Variants in SPTLC1 observed in about 807,000 individuals in gnomAD.
SPTLC1 encodes the protein serine palmitoyltransferase long chain base subunit 1.
In SPTLC1, 55 loss-of-function variants were observed where a neutral mutation model predicts 68.9. The ratio of observed to expected loss-of-function variants is 0.80; its 90% CI spans 0.64 to 1.00. The LOEUF is 1.00. Among genes scored for constraint, SPTLC1 ranks in the 50% least tolerant of loss-of-function variants. SPTLC1 has a pLI of 0.00. For missense variants in SPTLC1, 449 were observed against 573.1 expected, an observed-to-expected ratio of 0.78 and a Z score of 2.21; for synonymous variants, 197 against 201.6, an observed-to-expected ratio of 0.98 and a Z score of 0.19.
chr9:92,044,022 G>A (rs1040939773), intron 12 of SPTLC1, among the ~76,000 whole-genome samples: 2 of 152,120 alleles, frequency 1.3e-5, no homozygotes, highest in Non-Finnish European at 2.9e-5. Context: ...ATACCAGCAC[G>A]GTTTGCCCCT....
chr9:92,076,528 A>G (rs1834687633), intron 5 of SPTLC1, among the ~76,000 whole-genome samples: 1 of 152,136 alleles, frequency 6.6e-6, no homozygotes, highest in East Asian at 1.9e-4. Flanking sequence ...CTGCCTCTCA[A>G]GCTTACTCTA....
At chr9:92,112,028 A>C (rs6479405) in intron 2 of SPTLC1, 99,661 of 164,790 alleles carry the variant, frequency 0.6, 32,807 homozygotes, top group African/African-American at 0.88. Flanking sequence ...CCATACACAT[A>C]AAAATTCAAT....
At chr9:92,070,800 G>A (rs1336582167) in intron 5 of SPTLC1, among the ~76,000 whole-genome samples, 1 of 152,130 alleles carries the variant, frequency 6.6e-6, no homozygotes, top group Non-Finnish European at 1.5e-5. Context: ...TTAAGAGTTT[G>A]TTTAATTACA....
intron 3 of SPTLC1, among the ~76,000 whole-genome samples, chr9:92,088,237 T>A (rs777208837): frequency 6.6e-6 from 1 of 152,248 alleles, no homozygotes; most frequent in Non-Finnish European, 1.5e-5. Context: ...AGCTCGCACA[T>A]GGTGCGCTGC....
At chr9:92,086,781 T>C (rs1413289724) in intron 3 of SPTLC1, among the ~76,000 whole-genome samples, 4 of 152,316 alleles carry the variant, frequency 2.6e-5, no homozygotes, top group East Asian at 3.9e-4. Context: ...TGAATCTGAA[T>C]GTTGGCCTGC....
At chr9:92,095,258 T>C (rs1564112723) in intron 3 of SPTLC1, among the ~76,000 whole-genome samples, 1 of 152,128 alleles carries the variant, frequency 6.6e-6, no homozygotes, top group Admixed American at 6.5e-5. Flanking sequence ...AACAGAGATG[T>C]AGGGAAAACT....
chr9:92,051,546 C>T lies in SPTLC1; in HGVS notation c.781-1479G>A, dbSNP rs117709711. Among the ~76,000 whole-genome samples the T allele has an allele frequency of 8.6e-3, 1,308 of 152,304 alleles. 12 individuals are homozygous for T. The highest frequency in any genetic ancestry group is 0.024 in the Middle Eastern group (7 of 294). Reference sequence around the variant, plus strand: ...CAATGGTAGAAGACTGAAAGCTTTCCTTATAAGATCAGGAACAAGACAAAG... The same window carrying T: ...CAATGGTAGAAGACTGAAAGCTTTCTTTATAAGATCAGGAACAAGACAAAG... On this transcript the variant is annotated intron_variant, in intron 8 of 14. Transcript: ENST00000262554.
intron 1 of SPTLC1, among the ~76,000 whole-genome samples, chr9:92,114,543 C>T (rs1836367115): frequency 6.6e-6 from 1 of 152,084 alleles, no homozygotes; most frequent in African/African-American, 2.4e-5. Flanking sequence ...CGAGACCAGC[C>T]TGACCAACAT....
chr9:92,092,051 C>T (rs1056139418), intron 3 of SPTLC1, among the ~76,000 whole-genome samples: 2 of 152,186 alleles, frequency 1.3e-5, no homozygotes, highest in Non-Finnish European at 2.9e-5. Context: ...GTGGGTAATA[C>T]TGATCTTTAT....
intron 6 of SPTLC1, 70 bp from the exon 7 acceptor site, chr9:92,059,378 GTT>G: frequency 1.3e-6 from 2 of 1,538,256 alleles, no homozygotes; most frequent in Non-Finnish European, 1.8e-6. Flanking sequence ...AGGAATGCTT[GTT>G]TTTGTAAGCT....
At chr9:92,044,021 C>T (rs756677712) in intron 12 of SPTLC1, among the ~76,000 whole-genome samples, 6 of 152,290 alleles carry the variant, frequency 3.9e-5, no homozygotes, top group East Asian at 1.9e-4. Context: ...GATACCAGCA[C>T]GGTTTGCCCC....
chr9:92,095,518 G>A (rs1037265661), intron 3 of SPTLC1, among the ~76,000 whole-genome samples: 2 of 152,158 alleles, frequency 1.3e-5, no homozygotes, highest in Non-Finnish European at 1.5e-5. Context: ...AGAAGAATAT[G>A]TAGCAGTCAA....
chr9:92,096,662 C>G (rs189939174), intron 3 of SPTLC1, among the ~76,000 whole-genome samples: 1 of 152,260 alleles, frequency 6.6e-6, no homozygotes, highest in Admixed American at 6.5e-5. Flanking sequence ...AGGCCTCTAC[C>G]TCACACCATA....
Position 92,080,819 on chromosome 9 carries a change from T to G in SPTLC1, c.354+51A>C, listed in dbSNP as rs753471573. The G allele has an allele frequency of 1.2e-5, 17 of 1,454,894 alleles. 1 individual carries two copies. The highest frequency in any genetic ancestry group is 1.6e-5 in the Non-Finnish European group (17 of 1,036,536). The allele number at this position is 1,454,894 out of a possible 1,614,324, so 90.1% of individuals were successfully genotyped here. On this transcript the variant is annotated intron_variant, in intron 4 of 14. Transcript: ENST00000262554. Reference sequence around the variant, plus strand: ...CCTGCCTTTGTCTTTTATGTCTAGTTTCTTAAATCAGTAATGTTATCTGTC... The same window carrying G: ...CCTGCCTTTGTCTTTTATGTCTAGTGTCTTAAATCAGTAATGTTATCTGTC...
At chr9:92,115,008 A>G (rs530732084) in intron 1 of SPTLC1, 2 of 485,224 alleles carry the variant, frequency 4.1e-6, no homozygotes, top group African/African-American at 3.9e-5. Flanking sequence ...TCGTCCGTCT[A>G]AACTCTGGTT....
chr9:92,049,508 C>A (rs75495395), intron 9 of SPTLC1, among the ~76,000 whole-genome samples: 7,645 of 152,108 alleles, frequency 0.05, 511 homozygotes, highest in East Asian at 0.27. Context: ...CACACACACA[C>A]GCACGCACGC....
intron 8 of SPTLC1, among the ~76,000 whole-genome samples, chr9:92,054,768 C>T (rs1393762807): frequency 1.3e-5 from 2 of 152,134 alleles, no homozygotes; most frequent in Non-Finnish European, 2.9e-5. Flanking sequence ...CAAAAATTAG[C>T]TGGGGGTGTC....
chr9:92,045,442 C>T (rs901331794), intron 12 of SPTLC1, among the ~76,000 whole-genome samples: 1 of 120,560 alleles, frequency 8.3e-6, no homozygotes, highest in Non-Finnish European at 1.6e-5. Context: ...CACATGTATA[C>T]ATATGTAACT....
At chr9:92,074,708 C>T (rs1164842365) in intron 5 of SPTLC1, among the ~76,000 whole-genome samples, 2 of 152,118 alleles carry the variant, frequency 1.3e-5, no homozygotes, top group Non-Finnish European at 2.9e-5. Flanking sequence ...CTCTCCCATC[C>T]TACCTATTCA....
Sources: gnomAD v4.1 joint callset for allele counts (sites outside exome capture counted in the v4.1 genomes callset) on GRCh38, gnomAD v4.1.1 for gene constraint, MANE v1.5 for transcripts, NCBI Gene and HGNC (gene_info 2026-07-23, HGNC 2026-07-21) for gene names.